The following PRIM2 variants were observed in gnomAD, a reference collection of about 807,000 sequenced individuals.
The protein encoded by PRIM2 is DNA primase subunit 2.
Under a neutral mutation model 67.3 loss-of-function variants are expected in PRIM2, and 39 were observed. That is an observed-to-expected ratio of 0.58 (90% confidence interval 0.45 to 0.76). The LOEUF (loss-of-function observed/expected upper bound fraction) is 0.76. PRIM2 is among the 30% of genes least tolerant of loss of function. The probability of loss-of-function intolerance (pLI) is 0.00; values close to 1 mark genes in which losing one functional copy is unlikely to be tolerated. For missense variants in PRIM2, 398 were observed against 598.7 expected (o/e 0.66, Z 3.50); for synonymous variants, 143 against 198.7 (o/e 0.72, Z 2.36).
chr6:57,537,497 A>G lies in PRIM2; in HGVS notation c.892A>G (p.Asn298Asp). Residue 298 changes from asparagine to aspartate, a missense_variant, in exon 10 of 14, where the codon AAT (asparagine) becomes GAT (aspartate). Physicochemically the swap from Asn to Asp is conservative, Grantham distance 23. Coordinates refer to ENST00000615550, the MANE Select transcript of PRIM2 (RefSeq NM_000947.5). The stretch of plus-strand genomic sequence containing the variant: ...TCAGTTACATAAAGCCTTGCGGGAA[A>G]ATCACCATCTTCGTCATGGAGGCCG... ...MRQLHKALRE[N>D]HHLRHGGRMQ... is the part of the protein sequence containing the mutation. 1 of 1,550,420 alleles carries G rather than the reference A, an allele frequency of 6.4e-7. No homozygotes were observed. The highest frequency in any genetic ancestry group is 1.1e-5 in the South Asian group (1 of 87,004).
At chr6:57,583,141 T>C (rs1776127941) in intron 10 of PRIM2, among the ~76,000 whole-genome samples, 1 of 150,244 alleles carries the variant, frequency 6.7e-6, no homozygotes, top group Admixed American at 6.6e-5. Flanking sequence ...GGCTGCATAG[T>C]ATTCCATGGT....
the PRIM2 span, among the ~76,000 whole-genome samples, chr6:57,252,065 C>T: frequency 6.6e-6 from 1 of 152,218 alleles, no homozygotes; most frequent in East Asian, 1.9e-4. Context: ...AAGACCATGT[C>T]TTATTTGCCC....
intron 13 of PRIM2, among the ~76,000 whole-genome samples, chr6:57,637,010 G>T (rs1260285370): frequency 3.3e-5 from 5 of 152,140 alleles, no homozygotes; most frequent in Non-Finnish European, 5.9e-5. Context: ...GGAGAGCTCC[G>T]GCTGGCATCT....
intron 7 of PRIM2, among the ~76,000 whole-genome samples, chr6:57,488,638 G>A (rs1351300067): frequency 6.6e-6 from 1 of 152,224 alleles, no homozygotes; most frequent in Non-Finnish European, 1.5e-5. Context: ...AACACCTACT[G>A]TCAGGAGCAG....
At position 57,617,554 on chromosome 6, in the gene PRIM2, T is replaced by A. The variant is rs1361604370; in HGVS notation, c.1230+11097T>A. Among the ~76,000 whole-genome samples, 672 of 152,318 alleles carry A rather than the reference T, an allele frequency of 4.4e-3. 3 individuals are homozygous for A. Among genetic ancestry groups the A allele is most frequent in the African/African-American group, 0.016 (649 of 41,564 alleles). ...TATGCTTTTTGGCCATTTGTACATC[T>A]TCTTTGAAGAAATGTCTATCCAATT... On this transcript the variant is annotated intron_variant, in intron 12 of 13. Coordinates refer to ENST00000615550, the MANE Select transcript of PRIM2 (RefSeq NM_000947.5).
chr6:57,499,911 C>T (rs1324531943), intron 7 of PRIM2, among the ~76,000 whole-genome samples: 1 of 152,190 alleles, frequency 6.6e-6, no homozygotes, highest in Non-Finnish European at 1.5e-5. Context: ...TTGCTGATAA[C>T]ACTTAAATCT....
chr6:57,503,441 GACAT>G (rs1774182910), intron 7 of PRIM2, among the ~76,000 whole-genome samples: 2 of 152,126 alleles, frequency 1.3e-5, no homozygotes, highest in African/African-American at 4.8e-5. Context: ...AAATCAGAGA[GACAT>G]AGATTAGAAG....
chr6:57,614,698 A>T (rs1317895351), intron 12 of PRIM2, among the ~76,000 whole-genome samples: 1 of 152,188 alleles, frequency 6.6e-6, no homozygotes, highest in East Asian at 1.9e-4. Flanking sequence ...ATAATACAAA[A>T]AATTAGCCGG....
chr6:57,613,370 T>C, intron 12 of PRIM2, among the ~76,000 whole-genome samples: 1 of 151,446 alleles, frequency 6.6e-6, no homozygotes. Context: ...TTTTTTTCCT[T>C]GGATACATTA....
intron 11 of PRIM2, among the ~76,000 whole-genome samples, chr6:57,601,635 GT>G (rs1337611330): frequency 2.6e-5 from 4 of 152,024 alleles, no homozygotes; most frequent in Non-Finnish European, 5.9e-5. Flanking sequence ...AAAGTGTGAG[GT>G]TTTTTTCTTA....
intron 7 of PRIM2, among the ~76,000 whole-genome samples, chr6:57,423,540 G>C (rs1771527638): frequency 6.6e-6 from 1 of 152,186 alleles, no homozygotes; most frequent in South Asian, 2.1e-4. Flanking sequence ...CTGTGGCAAA[G>C]TCAGGAAGCT....
intron 7 of PRIM2, among the ~76,000 whole-genome samples, chr6:57,476,195 A>T (rs1403388659): frequency 6.6e-6 from 1 of 152,204 alleles, no homozygotes; most frequent in Admixed American, 6.5e-5. Flanking sequence ...AAAACTAATA[A>T]ATAGTAAAAT....
Position 57,334,683 on chromosome 6 carries a change from T to C in PRIM2, c.459+8638T>C, listed in dbSNP as rs140895293. On this transcript the variant is annotated intron_variant, in intron 5 of 13. Coordinates refer to ENST00000615550, the MANE Select transcript of PRIM2 (RefSeq NM_000947.5). ...CAAAGAAATAAGAGGATAATAACGATTTTCACCTCACAGATTAGTGAGGTT... is the reference window on the plus strand; with the variant it reads ...CAAAGAAATAAGAGGATAATAACGACTTTCACCTCACAGATTAGTGAGGTT... Among the ~76,000 whole-genome samples the C allele has an allele frequency of 1.3e-3, 195 of 152,040 alleles. 4 individuals are homozygous for C. In the East Asian group the frequency reaches 0.016, roughly 13 times the overall value.
chr6:57,536,180 A>T (rs1393435172), intron 9 of PRIM2, among the ~76,000 whole-genome samples: 1 of 152,198 alleles, frequency 6.6e-6, no homozygotes, highest in East Asian at 1.9e-4. Flanking sequence ...CAGCAAAGTC[A>T]AGCAAAGTGA....
chr6:57,439,730 A>G (rs890305402), intron 7 of PRIM2, among the ~76,000 whole-genome samples: 9 of 151,870 alleles, frequency 5.9e-5, no homozygotes, highest in African/African-American at 2.2e-4. Flanking sequence ...GTTCTTTTTT[A>G]ATGTTAAACT....
chr6:57,263,340 T>C, the PRIM2 span, among the ~76,000 whole-genome samples: 1 of 152,228 alleles, frequency 6.6e-6, no homozygotes, highest in Non-Finnish European at 1.5e-5. Context: ...AAGACATTGA[T>C]AGAGCCATCC....
chr6:57,573,217 A>G (rs1278808156), intron 10 of PRIM2, among the ~76,000 whole-genome samples: 2 of 152,196 alleles, frequency 1.3e-5, no homozygotes, highest in Admixed American at 6.5e-5. Flanking sequence ...GCACATCAAA[A>G]TAGTATTATT....
intron 10 of PRIM2, among the ~76,000 whole-genome samples, chr6:57,567,409 G>A (rs1775764935): frequency 6.6e-6 from 1 of 152,092 alleles, no homozygotes; most frequent in Admixed American, 6.5e-5. Context: ...CCAACTGTAG[G>A]CAAATGTAAG....
intron 11 of PRIM2, among the ~76,000 whole-genome samples, chr6:57,605,395 A>G (rs1382751314): frequency 2.0e-5 from 3 of 152,086 alleles, no homozygotes; most frequent in Admixed American, 6.6e-5. Flanking sequence ...CTGTGAATCT[A>G]CCTGGTCCAG....
Sources: allele counts gnomAD v4.1 joint callset (sites outside exome capture counted in the v4.1 genomes callset), GRCh38; gene constraint gnomAD v4.1.1; transcripts MANE v1.5; gene names NCBI Gene and HGNC (gene_info 2026-07-23, HGNC 2026-07-21).